MRAP2: variants seen among roughly 807,000 people sequenced by gnomAD.
MRAP2 encodes melanocortin 2 receptor accessory protein 2, also known as melanocortin-2 receptor accessory protein 2.
A neutral mutation model predicts 17.4 loss-of-function variants in MRAP2; 20 were observed. That is an observed-to-expected ratio of 1.15 (90% CI 0.81 to 1.67). The LOEUF is 1.67. MRAP2 is among the 40% of genes most tolerant of loss of function. The pLI, the probability that MRAP2 is intolerant of heterozygous loss-of-function variation, is 0.00. For synonymous variants in MRAP2, 96 were observed against 88.4 expected (o/e 1.09, Z -0.48); for missense variants, 238 against 240.0 (o/e 0.99, Z 0.05).
the MRAP2 span, among the ~76,000 whole-genome samples, chr6:84,116,484 ACTT>A: frequency 6.6e-6 from 1 of 152,138 alleles, no homozygotes; most frequent in South Asian, 2.1e-4. Flanking sequence ...AATCCATTAA[ACTT>A]CTTTTTCTTC....
the MRAP2 span, among the ~76,000 whole-genome samples, chr6:84,144,229 G>C: frequency 6.6e-6 from 1 of 151,934 alleles, no homozygotes; most frequent in African/African-American, 2.4e-5. Context: ...AATTGTACAG[G>C]AATCATTGTC....
intron 3 of MRAP2, among the ~76,000 whole-genome samples, chr6:84,069,924 G>T (rs902685434): frequency 1.3e-5 from 2 of 151,840 alleles, no homozygotes; most frequent in Non-Finnish European, 2.9e-5. Flanking sequence ...TTTCAGTGGT[G>T]TCATTTGTAA....
chr6:84,116,646 T>A, the MRAP2 span, among the ~76,000 whole-genome samples: 15 of 152,334 alleles, frequency 9.8e-5, no homozygotes, highest in African/African-American at 2.9e-4. Flanking sequence ...TGGCTCTTAT[T>A]ATTTTGAGGT....
At position 84,062,956 on chromosome 6, in the gene MRAP2, T is replaced by C; in HGVS notation, c.191T>C (p.Leu64Pro). The C allele has an allele frequency of 6.2e-7, 1 of 1,614,240 alleles. No homozygotes were observed. The highest frequency in any genetic ancestry group is 1.1e-5 in the South Asian group (1 of 91,088). The change falls in exon 3 of 4, where the codon CTG (leucine) becomes CCG (proline). Residue 64 changes from leucine (L) to proline (P), a missense_variant. Transcript: ENST00000257776. ...AVFVIFMFFV[L>P]TLLTKTGAPH... ...TTCGTGATTTTTATGTTTTTTGTGC[T>C]GACCTTGCTGACCAAGACAGGAGCC... is the stretch of plus-strand genomic sequence containing the variant.
chr6:84,039,373 T>C (rs981990035), intron 1 of MRAP2, among the ~76,000 whole-genome samples: 11 of 152,206 alleles, frequency 7.2e-5, no homozygotes, highest in Admixed American at 5.2e-4. Flanking sequence ...AGGATGATCA[T>C]GTTATTTTTG....
chr6:84,076,746 A>G (rs986263107), intron 3 of MRAP2, among the ~76,000 whole-genome samples: 1 of 152,192 alleles, frequency 6.6e-6, no homozygotes. Flanking sequence ...ACTTTTCATG[A>G]GTGGGGCAAA....
the MRAP2 span, among the ~76,000 whole-genome samples, chr6:84,136,416 C>G: frequency 3.3e-5 from 5 of 152,292 alleles, no homozygotes; most frequent in South Asian, 1.0e-3. Context: ...ATGAGAACCA[C>G]TGAACTTATT....
At chr6:84,079,978 T>C (rs2129173498) in intron 3 of MRAP2, among the ~76,000 whole-genome samples, 1 of 152,210 alleles carries the variant, frequency 6.6e-6, no homozygotes, top group South Asian at 2.1e-4. Context: ...CACTCATGCA[T>C]GAGGACCCTC....
At chr6:84,112,360 A>C in the MRAP2 span, among the ~76,000 whole-genome samples, 1 of 152,142 alleles carries the variant, frequency 6.6e-6, no homozygotes, top group East Asian at 1.9e-4. Flanking sequence ...GAAATTGTCC[A>C]TTTCTTCTTG....
At chr6:84,039,446 A>G (rs1339670091) in intron 1 of MRAP2, among the ~76,000 whole-genome samples, 2 of 152,166 alleles carry the variant, frequency 1.3e-5, no homozygotes, top group African/African-American at 2.4e-5. Context: ...GCTTAGTCCT[A>G]TTGGAGAGGT....
intron 3 of MRAP2, among the ~76,000 whole-genome samples, chr6:84,081,346 TA>T (rs2099498933): frequency 6.6e-6 from 1 of 152,226 alleles, no homozygotes; most frequent in Admixed American, 6.5e-5. Flanking sequence ...GTTTATGGCA[TA>T]AGGTGTCGGT....
the MRAP2 span, among the ~76,000 whole-genome samples, chr6:84,131,673 T>G: frequency 2.9e-5 from 4 of 139,660 alleles, no homozygotes; most frequent in Non-Finnish European, 6.5e-5. Flanking sequence ...TGCTTTTTTT[T>G]TGTTTTGTTT....
the MRAP2 span, among the ~76,000 whole-genome samples, chr6:84,136,205 T>C: frequency 6.6e-6 from 1 of 152,186 alleles, no homozygotes; most frequent in East Asian, 1.9e-4. Context: ...AGCTGTCCAG[T>C]TTTTCTTGGC....
intron 1 of MRAP2, among the ~76,000 whole-genome samples, chr6:84,041,069 C>A (rs118059347): frequency 2.0e-5 from 3 of 152,300 alleles, no homozygotes; most frequent in East Asian, 1.9e-4. Context: ...TCAGGCCCCC[C>A]CTGCTGCGTG....
At chr6:84,048,724 C>G (rs916310800) in intron 1 of MRAP2, among the ~76,000 whole-genome samples, 5 of 152,204 alleles carry the variant, frequency 3.3e-5, no homozygotes, top group African/African-American at 1.2e-4. Context: ...TTATAACTCC[C>G]TTGTCCTGAT....
downstream of MRAP2, among the ~76,000 whole-genome samples, chr6:84,091,256 T>C (rs1588666813): frequency 6.7e-6 from 1 of 148,504 alleles, no homozygotes; most frequent in East Asian, 1.9e-4. Context: ...TTTTTTTTTT[T>C]TTTTTTGAGA....
chr6:84,037,834 C>G (rs1027635624), intron 1 of MRAP2, among the ~76,000 whole-genome samples: 6 of 152,236 alleles, frequency 3.9e-5, no homozygotes, highest in East Asian at 1.9e-4. Context: ...CTCCACACCT[C>G]CCCGCAAGCA....
intron 1 of MRAP2, chr6:84,045,120 A>G (rs1304271940): frequency 8.4e-6 from 5 of 594,614 alleles, no homozygotes; most frequent in Non-Finnish European, 1.1e-5. Context: ...ACCATTTTAT[A>G]CTAGGGACTT....
chr6:84,078,495 A>G (rs2099498167), intron 3 of MRAP2, among the ~76,000 whole-genome samples: 1 of 152,222 alleles, frequency 6.6e-6, no homozygotes, highest in Admixed American at 6.5e-5. Flanking sequence ...AATGTTGGGA[A>G]GCAGGTTGCT....
Sources: gnomAD v4.1 joint callset for allele counts (sites outside exome capture counted in the v4.1 genomes callset) on GRCh38, gnomAD v4.1.1 for gene constraint, MANE v1.5 for transcripts, NCBI Gene and HGNC (gene_info 2026-07-23, HGNC 2026-07-21) for gene names.